Variants in PHTF2 observed in about 807,000 individuals in gnomAD.
The protein encoded by PHTF2 is protein PHTF2.
A neutral mutation model predicts 101.2 loss-of-function variants in PHTF2; 60 were observed. The ratio of observed to expected loss-of-function variants is 0.59; its 90% CI spans 0.48 to 0.73. The LOEUF is 0.73. PHTF2 is among the 30% of genes least tolerant of loss of function. The pLI is 0.00. For synonymous variants in PHTF2, 311 were observed against 307.3 expected (o/e 1.01, Z -0.13); for missense variants, 747 against 908.7 (o/e 0.82, Z 2.29).
chr7:77,818,545 CA>C (rs1794032574), intron 1 of PHTF2, among the ~76,000 whole-genome samples: 1 of 152,134 alleles, frequency 6.6e-6, no homozygotes, highest in African/African-American at 2.4e-5. Context: ...ACACCTTTGT[CA>C]AAAATCAGTT....
At chr7:77,851,986 C>T (rs1162754563) in intron 2 of PHTF2, among the ~76,000 whole-genome samples, 2 of 152,072 alleles carry the variant, frequency 1.3e-5, no homozygotes, top group African/African-American at 4.8e-5. Flanking sequence ...AATTCAGGAG[C>T]ATATTGTTTA....
chr7:77,810,560 C>T (rs1042590175), intron 1 of PHTF2, among the ~76,000 whole-genome samples: 1 of 151,948 alleles, frequency 6.6e-6, no homozygotes, highest in Admixed American at 6.5e-5. Context: ...TTTTTTGAGA[C>T]GAAGTCTTGC....
chr7:77,868,752 G>A (rs1476752120), intron 3 of PHTF2, among the ~76,000 whole-genome samples: 1 of 152,206 alleles, frequency 6.6e-6, no homozygotes, highest in Non-Finnish European at 1.5e-5. Flanking sequence ...TATGCTTGCA[G>A]ATGGAATCCA....
chr7:77,891,761 AT>A (rs1800435686), intron 3 of PHTF2, among the ~76,000 whole-genome samples: 1 of 151,590 alleles, frequency 6.6e-6, no homozygotes, highest in Admixed American at 6.6e-5. Context: ...TAATTTTTTA[AT>A]TTTTTGTAGA....
chr7:77,953,982 T>C, intron 19 of PHTF2, 88 bp downstream of exon 18: 2 of 1,025,486 alleles, frequency 2.0e-6, no homozygotes, highest in Non-Finnish European at 1.4e-6. Flanking sequence ...AGTAATGCGG[T>C]CATTTTGGTA....
rs376962020 is a variant in PHTF2 at position 77,922,716 on chromosome 7, A to G, written c.1057A>G (p.Thr353Ala). 4.3e-6 allele frequency: 7 copies of G among 1,609,274 alleles called. No individual in the cohort carries two copies. The African/African-American group carries it at 8.0e-5, about 18-fold the overall frequency. Reference sequence around the variant, plus strand: ...CTCATTACGTCGTCATGTGGACAGGACTTCTGAAGGTGTTCTTCGGAATAG... The same window carrying G: ...CTCATTACGTCGTCATGTGGACAGGGCTTCTGAAGGTGTTCTTCGGAATAG... Residue 353 changes from threonine to alanine, a missense_variant, in exon 11 of 20, where the codon ACT (threonine) becomes GCT (alanine). Transcript: ENST00000416283.
chr7:77,935,764 A>G (rs960340152), intron 12 of PHTF2, among the ~76,000 whole-genome samples: 2 of 152,204 alleles, frequency 1.3e-5, no homozygotes, highest in Admixed American at 1.3e-4. Context: ...TTAATTCACT[A>G]TTCCAGACTG....
intron 1 of PHTF2, among the ~76,000 whole-genome samples, chr7:77,810,460 C>T (rs1793347236): frequency 6.6e-6 from 1 of 152,208 alleles, no homozygotes; most frequent in South Asian, 2.1e-4. Context: ...TACACAGAAA[C>T]ACTTGAACCT....
At chr7:77,836,208 A>G (rs369405113) in intron 1 of PHTF2, among the ~76,000 whole-genome samples, 130 of 152,076 alleles carry the variant, frequency 8.5e-4, no homozygotes, top group Admixed American at 9.2e-4. Context: ...AAAGGTCTTC[A>G]TCCTTGTCAT....
chr7:77,935,425 C>A (rs1461108934), intron 12 of PHTF2, among the ~76,000 whole-genome samples: 1 of 152,024 alleles, frequency 6.6e-6, no homozygotes, highest in Non-Finnish European at 1.5e-5. Context: ...CGGGGTTTCA[C>A]CGTGTTAGCC....
intron 3 of PHTF2, among the ~76,000 whole-genome samples, chr7:77,877,663 G>A (rs1799059740): frequency 6.6e-6 from 1 of 152,096 alleles, no homozygotes; most frequent in Non-Finnish European, 1.5e-5. Flanking sequence ...CATTAAACTT[G>A]GGCCAGGAAA....
intron 2 of PHTF2, among the ~76,000 whole-genome samples, chr7:77,848,295 T>C (rs186542967): frequency 4.6e-5 from 7 of 152,318 alleles, no homozygotes; most frequent in African/African-American, 1.7e-4. Flanking sequence ...CTGTTCTCCA[T>C]AGTGGCTGTA....
At chr7:77,812,565 A>C (rs528611049) in intron 1 of PHTF2, among the ~76,000 whole-genome samples, 133 of 152,150 alleles carry the variant, frequency 8.7e-4, no homozygotes, top group African/African-American at 3.0e-3. Context: ...AATGTAAGAA[A>C]TAATGTGTAC....
chr7:77,940,485 G>C, intron 14 of PHTF2, 43 bp from the exon 14 acceptor site: 1 of 1,509,674 alleles, frequency 6.6e-7, no homozygotes, highest in Non-Finnish European at 9.0e-7. Context: ...GTTTTTCTGT[G>C]GTAATCTACT....
chr7:77,935,816 GGCTCTCAA>G (rs1481941260), intron 12 of PHTF2, among the ~76,000 whole-genome samples: 1 of 152,112 alleles, frequency 6.6e-6, no homozygotes, highest in African/African-American at 2.4e-5. Flanking sequence ...GAAATCTGTT[GGCTCTCAA>G]GCTTAAACTT....
intron 6 of PHTF2, 28 bp from the exon 6 acceptor site, chr7:77,901,734 C>T: frequency 1.5e-6 from 2 of 1,327,376 alleles, no homozygotes; most frequent in Non-Finnish European, 2.0e-6. Flanking sequence ...TATAAATATA[C>T]TCTGTTGTCC....
At chr7:77,906,659 C>T (rs1335674860) in intron 7 of PHTF2, among the ~76,000 whole-genome samples, 2 of 152,156 alleles carry the variant, frequency 1.3e-5, no homozygotes, top group Non-Finnish European at 2.9e-5. Flanking sequence ...TCCTTTGTGT[C>T]TGAAACTCTG....
chr7:77,862,213 T>C (rs1052167185), intron 3 of PHTF2, among the ~76,000 whole-genome samples: 3 of 152,180 alleles, frequency 2.0e-5, no homozygotes, highest in African/African-American at 7.2e-5. Flanking sequence ...AAAAACATTA[T>C]CAGTAGAAAA....
intron 12 of PHTF2, among the ~76,000 whole-genome samples, chr7:77,933,543 T>G (rs977413385): frequency 6.6e-6 from 1 of 152,062 alleles, no homozygotes; most frequent in Non-Finnish European, 1.5e-5. Flanking sequence ...TCCTTGGGAT[T>G]GAAGAAATGA....
Sources: allele counts gnomAD v4.1 joint callset (sites outside exome capture counted in the v4.1 genomes callset), GRCh38; gene constraint gnomAD v4.1.1; transcripts MANE v1.5; gene names NCBI Gene and HGNC (gene_info 2026-07-23, HGNC 2026-07-21).